TBC1D22B: variants seen among roughly 807,000 people sequenced by gnomAD.
TBC1D22B encodes the protein TBC1 domain family member 22B.
In TBC1D22B, 32 loss-of-function variants were observed where a neutral mutation model predicts 69.1. The observed-to-expected ratio is 0.46, with a 90% CI of 0.35 to 0.62. The LOEUF is 0.62. TBC1D22B is among the 20% of genes least tolerant of loss of function. The pLI is 0.00. For synonymous variants in TBC1D22B, 206 were observed against 229.8 expected (o/e 0.90, Z 0.94); for missense variants, 462 against 630.9 (o/e 0.73, Z 2.87).
intron 1 of TBC1D22B, 38 bp downstream of exon 1, chr6:37,258,011 C>A (rs758609107): frequency 1.2e-6 from 2 of 1,605,680 alleles, no homozygotes; most frequent in South Asian, 2.2e-5. Flanking sequence ...GGGATTGGAC[C>A]AAACCCTTCC....
chr6:37,269,763 T>G, intron 2 of TBC1D22B, 113 bp downstream of exon 2: 1 of 977,250 alleles, frequency 1.0e-6, no homozygotes, highest in African/African-American at 1.6e-5. Flanking sequence ...TCTTCTGCCC[T>G]ATTTTGGACC....
In TBC1D22B at chr6:37,279,439, T is replaced by C. The variant is rs559477115; in HGVS notation, c.249T>C (p.Pro83=). 30 of 1,614,222 alleles carry C rather than the reference T, an allele frequency of 1.9e-5. 1 individual carries two copies. In the South Asian group the frequency reaches 3.3e-4, roughly 18 times the overall value. The change falls in exon 3 of 13, where the codon CCT becomes CCC. Residue 83 remains proline, a synonymous_variant. Transcript: ENST00000373491. ...ATGAGGAAGAGGACTTTTCCTCACCTTCTTTCCAAACTCTGAACTCAAAAG... is the reference window on the plus strand; with the variant it reads ...ATGAGGAAGAGGACTTTTCCTCACCCTCTTTCCAAACTCTGAACTCAAAAG... ...GDDEEEDFSS[P]SFQTLNSKVA... is the part of the protein sequence containing the mutation.
intron 12 of TBC1D22B, among the ~76,000 whole-genome samples, chr6:37,328,264 C>T (rs195405): frequency 0.14 from 21,987 of 152,024 alleles, 1,610 homozygotes; most frequent in Admixed American, 0.17. Flanking sequence ...GAGATTGTGC[C>T]ACTGCGTTCC....
chr6:37,318,618 C>G (rs1768149568), intron 12 of TBC1D22B, among the ~76,000 whole-genome samples: 1 of 152,168 alleles, frequency 6.6e-6, no homozygotes, highest in Non-Finnish European at 1.5e-5. Context: ...TTGACACACT[C>G]TTATATGACT....
chr6:37,330,592 G>A (rs572142761), intron 12 of TBC1D22B, among the ~76,000 whole-genome samples: 1 of 152,268 alleles, frequency 6.6e-6, no homozygotes, highest in East Asian at 1.9e-4. Flanking sequence ...GCTGCAGCAA[G>A]CTGTGATTGC....
intron 10 of TBC1D22B, 23 bp from the exon 11 acceptor site, chr6:37,316,680 C>T (rs1301181098): frequency 6.2e-7 from 1 of 1,614,002 alleles, no homozygotes; most frequent in Non-Finnish European, 8.5e-7. Context: ...TAGGTTGATC[C>T]CCAATGATGC....
At chr6:37,327,456 C>G (rs1277863458) in intron 12 of TBC1D22B, among the ~76,000 whole-genome samples, 1 of 58,228 alleles carries the variant, frequency 1.7e-5, no homozygotes, top group Admixed American at 3.3e-4. Flanking sequence ...CCAGCCTGGG[C>G]GACAGAGCCA....
chr6:37,283,033 T>C, intron 5 of TBC1D22B, 81 bp downstream of exon 5: 1 of 1,233,230 alleles, frequency 8.1e-7, no homozygotes, highest in Non-Finnish European at 1.2e-6. Context: ...GACACATTGG[T>C]CTTAACTCCA....
chr6:37,330,921 C>A, intron 12 of TBC1D22B, 123 bp from the exon 13 acceptor site: 1 of 972,924 alleles, frequency 1.0e-6, no homozygotes, highest in Non-Finnish European at 1.6e-6. Context: ...GGAGGCTGGA[C>A]TCTTTGAGAT....
At chr6:37,313,783 C>G (rs1321872362) in intron 9 of TBC1D22B, 33 bp from the exon 10 acceptor site, 1 of 1,602,238 alleles carries the variant, frequency 6.2e-7, no homozygotes, top group African/African-American at 1.3e-5. Context: ...AAGTTAGAGT[C>G]CATGTTCATC....
intron 12 of TBC1D22B, among the ~76,000 whole-genome samples, chr6:37,327,840 G>A (rs1768473911): frequency 6.6e-6 from 1 of 152,096 alleles, no homozygotes; most frequent in African/African-American, 2.4e-5. Flanking sequence ...CTCCTCCGGG[G>A]GTTCACCACC....
chr6:37,290,670 G>A (rs1767149264), intron 7 of TBC1D22B, among the ~76,000 whole-genome samples: 1 of 152,104 alleles, frequency 6.6e-6, no homozygotes. Flanking sequence ...AAACATCTGA[G>A]TTGTATCCTG....
At chr6:37,267,966 A>G (rs1170387984) in intron 1 of TBC1D22B, among the ~76,000 whole-genome samples, 1 of 152,120 alleles carries the variant, frequency 6.6e-6, no homozygotes, top group African/African-American at 2.4e-5. Context: ...TTTGCCAATT[A>G]TATTACTTTG....
Position 37,269,668 on chromosome 6 carries a change from C to T in TBC1D22B, c.113+18C>T, listed in dbSNP as rs945338673. ...ACCAAAAAGTAAGTCAAGACATTTT[C>T]GTTTTATCTATCTACTGCTGTCACC... On this transcript the variant is annotated intron_variant, in intron 2 of 12. Coordinates refer to ENST00000373491, the MANE Select transcript of TBC1D22B (RefSeq NM_017772.4). The T allele has an allele frequency of 8.7e-6, 14 of 1,613,412 alleles. No individual in the cohort carries two copies. The highest frequency in any genetic ancestry group is 3.3e-5 in the South Asian group (3 of 91,068).
intron 1 of TBC1D22B, among the ~76,000 whole-genome samples, chr6:37,264,080 T>A (rs1766194385): frequency 6.6e-6 from 1 of 152,144 alleles, no homozygotes; most frequent in Non-Finnish European, 1.5e-5. Context: ...GATCAGCCAG[T>A]TAGCCATGGA....
At chr6:37,269,731 C>T in intron 2 of TBC1D22B, 81 bp downstream of exon 2, 3 of 1,359,414 alleles carry the variant, frequency 2.2e-6, no homozygotes, top group Middle Eastern at 3.6e-4. Context: ...TGACAGTTTC[C>T]ACCTTGACAT....
intron 2 of TBC1D22B, among the ~76,000 whole-genome samples, chr6:37,277,488 A>C (rs1367997193): frequency 1.2e-5 from 1 of 85,196 alleles, no homozygotes; most frequent in African/African-American, 5.0e-5. Context: ...TTTGAGACGG[A>C]GTGTCACTCA....
intron 8 of TBC1D22B, among the ~76,000 whole-genome samples, chr6:37,298,418 A>T (rs1463318863): frequency 2.0e-5 from 3 of 152,166 alleles, no homozygotes; most frequent in African/African-American, 7.2e-5. Context: ...TCATATAGCA[A>T]GCTTTCAAAG....
intron 12 of TBC1D22B, among the ~76,000 whole-genome samples, chr6:37,320,359 T>A (rs541748519): frequency 2.7e-4 from 41 of 152,118 alleles, no homozygotes; most frequent in Non-Finnish European, 5.7e-4. Flanking sequence ...TATCTATAAA[T>A]GGGGCAATAG....
Sources: gnomAD v4.1 joint callset for allele counts (sites outside exome capture counted in the v4.1 genomes callset) on GRCh38, gnomAD v4.1.1 for gene constraint, MANE v1.5 for transcripts, NCBI Gene and HGNC (gene_info 2026-07-23, HGNC 2026-07-21) for gene names.